AKAP12: variants seen among roughly 807,000 people sequenced by gnomAD.
The protein encoded by AKAP12 is A-kinase anchor protein 12.
Under a neutral mutation model 79.9 loss-of-function variants are expected in AKAP12, and 32 were observed. The observed-to-expected ratio is 0.40, with a 90% CI of 0.30 to 0.54. The LOEUF is 0.54. Ranked by LOEUF, AKAP12 falls within the 20% of genes least tolerant of loss-of-function variation. The pLI, the probability that AKAP12 is intolerant of heterozygous loss-of-function variation, is 0.48. For missense variants in AKAP12, 2,074 were observed against 2,177.0 expected, an observed-to-expected ratio of 0.95 and a Z score of 0.94; for synonymous variants, 808 against 857.0, an observed-to-expected ratio of 0.94 and a Z score of 1.00.
In AKAP12 at chr6:151,348,273, C is replaced by T. The variant is rs1022638181; in HGVS notation, c.320-438C>T. 2.0e-4 allele frequency: 88 copies of T among 429,714 alleles called. 1 individual carries two copies. The highest frequency in any genetic ancestry group is 3.5e-4 in the Non-Finnish European group (76 of 217,704). The allele number at this position is 429,714 out of a possible 1,614,324, so 26.6% of individuals were successfully genotyped here. Reference sequence around the variant, plus strand: ...ACCTAGGACAGAGGTTGCAGTGAACCGAGATCGTGCCACTGTGCTCCAGCC... The same window carrying T: ...ACCTAGGACAGAGGTTGCAGTGAACTGAGATCGTGCCACTGTGCTCCAGCC... On this transcript the variant is annotated intron_variant, in intron 3 of 4. Transcript: ENST00000402676.
intron 2 of AKAP12, among the ~76,000 whole-genome samples, chr6:151,250,590 T>C (rs561953139): frequency 1.3e-5 from 2 of 152,138 alleles, no homozygotes; most frequent in South Asian, 4.1e-4. Context: ...ATAGCATTCA[T>C]TAAAAATGGT....
chr6:151,311,953 C>T (rs1777115105), intron 3 of AKAP12, among the ~76,000 whole-genome samples: 2 of 152,224 alleles, frequency 1.3e-5, no homozygotes, highest in Admixed American at 6.5e-5. Flanking sequence ...TCCCCCACCC[C>T]ATACCTGTTT....
intron 4 of AKAP12, among the ~76,000 whole-genome samples, chr6:151,355,343 G>T (rs922624579): frequency 6.9e-6 from 1 of 144,376 alleles, no homozygotes; most frequent in Non-Finnish European, 1.5e-5. Flanking sequence ...TCGCTCTGTC[G>T]CCAGGCTGGA....
At position 151,349,663 on chromosome 6, in the gene AKAP12, G is replaced by A; in HGVS notation, c.1272G>A (p.Val424=). Residue 424 remains valine, a synonymous_variant, in exon 4 of 5, where the codon GTG becomes GTA. Transcript: ENST00000402676. ...EVVAEVHVST[V]EERTEEQKTE... ...TGGCCGAAGTCCACGTCAGCACCGT[G>A]GAGGAGAGAACCGAAGAGCAGAAAA... The A allele has an allele frequency of 6.2e-7, 1 of 1,614,064 alleles. No homozygotes were observed. Among genetic ancestry groups the A allele is most frequent in the Non-Finnish European group, 8.5e-7 (1 of 1,180,002 alleles).
chr6:151,349,307 G>A lies in AKAP12; in HGVS notation c.916G>A (p.Gly306Ser), dbSNP rs199669098. Reference sequence around the variant, plus strand: ...AAAATTCTTCACTCAAGGTTGGGCCGGCTGGCGCAAAAAGACCAGTTTCAG... The same window carrying A: ...AAAATTCTTCACTCAAGGTTGGGCCAGCTGGCGCAAAAAGACCAGTTTCAG... ...FKKFFTQGWAGWRKKTSFRKP... is the reference protein window; with the variant it reads ...FKKFFTQGWASWRKKTSFRKP... The change falls in exon 4 of 5, where the codon GGC becomes AGC. Residue 306 changes from glycine to serine, a missense_variant. By Grantham distance (56) the Gly-to-Ser change is moderately conservative. Transcript: ENST00000402676. The A allele has an allele frequency of 1.9e-5, 30 of 1,613,804 alleles. No homozygotes were observed. The highest frequency in any genetic ancestry group is 1.7e-4 in the Middle Eastern group (1 of 6,056).
At position 151,305,844 on chromosome 6, in the gene AKAP12, C is replaced by A; in HGVS notation, c.260C>A (p.Ala87Asp). 6.2e-7 allele frequency: 1 copy of A among 1,613,912 alleles called. No homozygotes were observed. ...GGTGACCTAAATGGCCAGAAAGGAG[C>A]CCTGAACGGTCAAGGAGCCCTAAAC... is the stretch of plus-strand genomic sequence containing the variant. Reference protein sequence around the residue: ...QEGDLNGQKGALNGQGALNSQ... With the variant: ...QEGDLNGQKGDLNGQGALNSQ... Residue 87 changes from alanine (A) to aspartate (D), a missense_variant, in exon 3 of 5, where the codon GCC (alanine) becomes GAC (aspartate). By Grantham distance (126) the Ala-to-Asp change is moderately radical (BLOSUM62 -2). Around this residue, in one of 3 missense-constraint regions of AKAP12, gnomAD observed 1,428 missense variants for 1,451.0 expected, o/e 0.98. Coordinates refer to ENST00000402676, the MANE Select transcript of AKAP12 (RefSeq NM_005100.4).
rs1186520893 is a variant in AKAP12 at position 151,273,279 on chromosome 6, A to G, written c.163-32468A>G. ...GATGGTGCGGTGATAGTGAGTCTTT[A>G]CTGTTGTATCACACCAGCAATCACA... On this transcript the variant is annotated intron_variant, in intron 2 of 4. Coordinates refer to ENST00000402676, the MANE Select transcript of AKAP12 (RefSeq NM_005100.4). Among the ~76,000 whole-genome samples, 6 of 152,172 alleles carry G rather than the reference A, an allele frequency of 3.9e-5. No individual in the cohort carries two copies. In the East Asian group the frequency reaches 1.2e-3, roughly 29 times the overall value.
intron 2 of AKAP12, among the ~76,000 whole-genome samples, chr6:151,249,981 A>G (rs74872050): frequency 2.6e-5 from 4 of 152,216 alleles, no homozygotes; most frequent in Non-Finnish European, 2.9e-5. Flanking sequence ...ATGGTGGCTC[A>G]TGCCTATAAT....
At chr6:151,242,011 T>C (rs1796986601) in intron 2 of AKAP12, among the ~76,000 whole-genome samples, 1 of 152,166 alleles carries the variant, frequency 6.6e-6, no homozygotes, top group Admixed American at 6.5e-5. Context: ...GTCTCTGTGC[T>C]ATGTAGGTTT....
intron 3 of AKAP12, chr6:151,325,315 C>G (rs1303496685): frequency 2.0e-6 from 2 of 985,334 alleles, no homozygotes; most frequent in East Asian, 2.3e-4. Flanking sequence ...GTCTGTGTGG[C>G]TATTTCCTTG....
At chr6:151,305,246 T>C (rs557794038) in intron 2 of AKAP12, among the ~76,000 whole-genome samples, 2 of 152,060 alleles carry the variant, frequency 1.3e-5, no homozygotes, top group South Asian at 4.2e-4. Flanking sequence ...TATGTATGCC[T>C]CCTTCATGAC....
intron 3 of AKAP12, among the ~76,000 whole-genome samples, chr6:151,306,374 C>T (rs1308579864): frequency 6.6e-6 from 1 of 152,040 alleles, no homozygotes; most frequent in Non-Finnish European, 1.5e-5. Context: ...GAAGAGTGAC[C>T]GTTTGGACAC....
chr6:151,287,528 TAGGATTAC>T (rs1423832379), intron 2 of AKAP12, among the ~76,000 whole-genome samples: 1 of 152,214 alleles, frequency 6.6e-6, no homozygotes, highest in Non-Finnish European at 1.5e-5. Flanking sequence ...TGGAAAGTGC[TAGGATTAC>T]AGGCGTGAGC....
intron 3 of AKAP12, among the ~76,000 whole-genome samples, chr6:151,322,797 G>A (rs1221988278): frequency 6.8e-6 from 1 of 146,996 alleles, no homozygotes; most frequent in Non-Finnish European, 1.5e-5. Flanking sequence ...CGAGGCCAGG[G>A]ATAGTATCTC....
intron 2 of AKAP12, among the ~76,000 whole-genome samples, chr6:151,299,593 A>T (rs886206699): frequency 6.6e-6 from 1 of 152,156 alleles, no homozygotes; most frequent in East Asian, 1.9e-4. Context: ...TTGGTTTTAA[A>T]CACATAAAAG....
intron 2 of AKAP12, among the ~76,000 whole-genome samples, chr6:151,281,204 G>A (rs912128671): frequency 1.3e-5 from 2 of 152,124 alleles, no homozygotes; most frequent in African/African-American, 4.8e-5. Context: ...CTTAACTTGC[G>A]AGCCTCCCTC....
At chr6:151,282,344 A>G (rs1340016569) in intron 2 of AKAP12, among the ~76,000 whole-genome samples, 1 of 152,062 alleles carries the variant, frequency 6.6e-6, no homozygotes, top group Non-Finnish European at 1.5e-5. Context: ...TCCTGACCTC[A>G]GGTGATCCAC....
At chr6:151,304,483 C>A (rs1243532369) in intron 2 of AKAP12, among the ~76,000 whole-genome samples, 12 of 33,028 alleles carry the variant, frequency 3.6e-4, no homozygotes, top group Non-Finnish European at 7.8e-4. Flanking sequence ...AGTGACACTC[C>A]ATCTCAAAAA....
chr6:151,318,567 C>G (rs1777288332), intron 3 of AKAP12, among the ~76,000 whole-genome samples: 1 of 152,190 alleles, frequency 6.6e-6, no homozygotes, highest in Non-Finnish European at 1.5e-5. Context: ...TTCTGAATAT[C>G]TTGTAATGAG....
Sources: allele counts gnomAD v4.1 joint callset (sites outside exome capture counted in the v4.1 genomes callset), GRCh38; gene constraint gnomAD v4.1.1; regional missense constraint gnomAD v4.1.1; transcripts MANE v1.5; gene names NCBI Gene and HGNC (gene_info 2026-07-23, HGNC 2026-07-21).